Variants in OAT observed in about 807,000 individuals in gnomAD.
The protein encoded by OAT is ornithine aminotransferase.
A neutral mutation model predicts 48.4 loss-of-function variants in OAT; 35 were observed. That is an observed-to-expected ratio of 0.72 (90% confidence interval 0.55 to 0.96). The LOEUF is 0.96. Among genes scored for constraint, OAT ranks in the 40% least tolerant of loss-of-function variants. OAT has a pLI of 0.00. For missense variants in OAT, 438 were observed against 537.9 expected (o/e 0.81, Z 1.84); for synonymous variants, 182 against 198.4 (o/e 0.92, Z 0.70).
At position 124,401,758 on chromosome 10, in the gene OAT, G is replaced by A; in HGVS notation, c.982C>T (p.Leu328=). Residue 328 remains leucine, a synonymous_variant, in exon 8 of 10, where the codon CTA becomes TTA. Transcript: ENST00000368845. ...GCTGCGATGGCCACTCGGCAGCCTA[G>A]TGGATTGCCACCGTATGTGGACCCA... is the stretch of plus-strand genomic sequence containing the variant. ...EHGSTYGGNP[L]GCRVAIAALE... The A allele has an allele frequency of 2.5e-6, 4 of 1,613,162 alleles. No homozygotes were observed. Among genetic ancestry groups the A allele is most frequent in the South Asian group, 1.1e-5 (1 of 91,070 alleles).
At chr10:124,418,546 C>T (rs548513920) in intron 1 of OAT, among the ~76,000 whole-genome samples, 5 of 152,320 alleles carry the variant, frequency 3.3e-5, no homozygotes, top group Admixed American at 2.6e-4. Context: ...CTGCCACATC[C>T]TCAGCCTCTC....
At chr10:124,415,100 A>G (rs1202483618) in intron 1 of OAT, 1 of 150,182 alleles carries the variant, frequency 6.7e-6, no homozygotes, top group Non-Finnish European at 1.5e-5. Flanking sequence ...AAAAAAAAAA[A>G]AAAAAAAAAA....
intron 9 of OAT, among the ~76,000 whole-genome samples, chr10:124,399,000 A>G (rs548395573): frequency 6.6e-6 from 1 of 152,200 alleles, no homozygotes; most frequent in Admixed American, 6.5e-5. Context: ...CTGGCGACAG[A>G]CACTCCAGCC....
chr10:124,408,482 G>A lies in OAT; in HGVS notation c.520+60C>T, dbSNP rs969482382. ...ATTACAGGCATGAGCCACCATGCCTGGCCACAGTAAATTATATTGTATGTT... is the reference window on the plus strand; with the variant it reads ...ATTACAGGCATGAGCCACCATGCCTAGCCACAGTAAATTATATTGTATGTT... On this transcript the variant is annotated intron_variant, in intron 4 of 9. Transcript: ENST00000368845. 46 of 1,453,234 alleles carry A rather than the reference G, an allele frequency of 3.2e-5. No homozygotes were observed. The East Asian group carries it at 4.4e-4, about 14-fold the overall frequency. 90.0% of individuals were successfully genotyped at this position (1,453,234 alleles called of 1,614,324 possible).
Position 124,403,894 on chromosome 10 carries a change from A to T in OAT, c.675T>A (p.Ala225=), listed in dbSNP as rs1951496845. The stretch of plus-strand genomic sequence containing the variant: ...CCTGAATTGGTTCTACCATGAACGC[A>T]GCCACATTTGGATCCTGAAGAGCAC... The part of the protein sequence containing the change: ...LERALQDPNV[A]AFMVEPIQGE... Residue 225 remains alanine, a synonymous_variant, in exon 6 of 10, where the codon GCT becomes GCA. Coordinates refer to ENST00000368845, the MANE Select transcript of OAT (RefSeq NM_000274.4). The T allele has an allele frequency of 1.2e-6, 2 of 1,614,194 alleles. No homozygotes were observed. The highest frequency in any genetic ancestry group is 1.7e-6 in the Non-Finnish European group (2 of 1,180,004).
chr10:124,412,243 G>T, intron 1 of OAT, 43 bp from the exon 2 acceptor site: 1 of 1,438,358 alleles, frequency 7.0e-7, no homozygotes, highest in Non-Finnish European at 9.7e-7. Context: ...AGAATCCTTG[G>T]CTTATGCCTA....
intron 2 of OAT, among the ~76,000 whole-genome samples, chr10:124,411,591 G>A (rs746674022): frequency 6.6e-6 from 1 of 152,118 alleles, no homozygotes; most frequent in Non-Finnish European, 1.5e-5. Context: ...GCCAAGGTGG[G>A]AGGATCACAA....
intron 4 of OAT, chr10:124,405,831 A>C (rs1356834070): frequency 1.6e-6 from 2 of 1,248,642 alleles, no homozygotes; most frequent in Non-Finnish European, 2.0e-6. Context: ...ATAGCCCCTG[A>C]AGATAGATAA....
At chr10:124,407,726 T>A (rs990114808) in intron 4 of OAT, among the ~76,000 whole-genome samples, 12 of 152,178 alleles carry the variant, frequency 7.9e-5, no homozygotes, top group African/African-American at 7.2e-5. Flanking sequence ...ACTTGTTTTT[T>A]AAAAAAATAA....
At chr10:124,411,834 A>AT in intron 2 of OAT, 139 bp downstream of exon 2, 1 of 673,628 alleles carries the variant, frequency 1.5e-6, no homozygotes, top group Non-Finnish European at 2.5e-6. Flanking sequence ...AAAAAAAAAA[A>AT]GAAGAAGAAG....
intron 2 of OAT, 97 bp from the exon 3 acceptor site, chr10:124,409,062 T>G: frequency 1.3e-6 from 1 of 767,264 alleles, no homozygotes; most frequent in Non-Finnish European, 2.2e-6. Flanking sequence ...AATGCCTATA[T>G]ATGAACCTCT....
chr10:124,412,714 C>T (rs1248037114), intron 1 of OAT, among the ~76,000 whole-genome samples: 3 of 151,428 alleles, frequency 2.0e-5, no homozygotes, highest in Non-Finnish European at 4.4e-5. Flanking sequence ...GAGGCTGAGG[C>T]GGGAGGATCA....
chr10:124,401,784 T>C lies in OAT; in HGVS notation c.956A>G (p.His319Arg), dbSNP rs2033867562. 2 of 1,613,268 alleles carry C rather than the reference T, an allele frequency of 1.2e-6. No individual in the cohort carries two copies. Among genetic ancestry groups the C allele is most frequent in the Non-Finnish European group, 8.5e-7 (1 of 1,179,856 alleles). Reference sequence around the variant, plus strand: ...TGGATTGCCACCGTATGTGGACCCATGCTCCCCTGGCTTAATGGTCAGCAT... The same window carrying C: ...TGGATTGCCACCGTATGTGGACCCACGCTCCCCTGGCTTAATGGTCAGCAT... ...DIMLTIKPGE[H>R]GSTYGGNPLG... is the part of the protein sequence containing the mutation. The change falls in exon 8 of 10, where the codon CAT (histidine) becomes CGT (arginine). Residue 319 changes from histidine (H) to arginine (R), a missense_variant. By Grantham distance (29) the His-to-Arg change is conservative. Transcript: ENST00000368845.
rs959408478 is a variant in OAT at position 124,405,437 on chromosome 10, T to G, written c.647A>C (p.Glu216Ala). ...IIPYNDLPAL[E>A]RALQDPNVAA... ...AGCACTATGATGCTAGTGAAATACCTCCAGTGCGGGCAGATCATTATAGGG... is the reference window on the plus strand; with the variant it reads ...AGCACTATGATGCTAGTGAAATACCGCCAGTGCGGGCAGATCATTATAGGG... The change falls in exon 5 of 10, where the codon GAG becomes GCG. Residue 216 changes from glutamate (E) to alanine (A), a missense_variant and splice_region_variant. By Grantham distance (107) the Glu-to-Ala change is moderately radical. Transcript: ENST00000368845. 2 of 1,613,492 alleles carry G rather than the reference T, an allele frequency of 1.2e-6. No homozygotes were observed. The highest frequency in any genetic ancestry group is 1.7e-5 in the Admixed American group (1 of 59,996).
chr10:124,399,456 C>G (rs1951339056), intron 9 of OAT, among the ~76,000 whole-genome samples: 1 of 151,234 alleles, frequency 6.6e-6, no homozygotes, highest in Non-Finnish European at 1.5e-5. Flanking sequence ...AGCGATTCTC[C>G]TGCCTCAGCC....
intron 1 of OAT, among the ~76,000 whole-genome samples, chr10:124,418,429 C>T (rs1951987618): frequency 6.6e-6 from 1 of 152,222 alleles, no homozygotes; most frequent in African/African-American, 2.4e-5. Context: ...GCCTCCTACC[C>T]GGAACCCCGG....
chr10:124,403,251 T>C lies in OAT; in HGVS notation c.772-196A>G, dbSNP rs573434211. 3.6e-5 allele frequency: 23 copies of C among 642,800 alleles called. No homozygotes were observed. The African/African-American group carries it at 3.7e-4, about 10-fold the overall frequency. 39.8% of individuals were successfully genotyped at this position (642,800 alleles called of 1,614,324 possible). A position where few individuals can be genotyped will look rare whatever the true frequency, so the allele number is the denominator to read the frequency against. ...TCTTGTAGACTCACCAACTATTTCC[T>C]TTGTCAGGCCACTATCTCCCTAGAG... is the stretch of plus-strand genomic sequence containing the variant. On this transcript the variant is annotated intron_variant, in intron 6 of 9. Coordinates refer to ENST00000368845, the MANE Select transcript of OAT (RefSeq NM_000274.4).
intron 9 of OAT, among the ~76,000 whole-genome samples, chr10:124,399,343 T>C (rs1055211015): frequency 7.7e-6 from 1 of 129,682 alleles, no homozygotes; most frequent in Non-Finnish European, 1.6e-5. Flanking sequence ...TGATTCTTTT[T>C]TTTTTTTTTT....
chr10:124,399,645 C>T (rs1333796809), intron 9 of OAT, among the ~76,000 whole-genome samples: 2 of 151,932 alleles, frequency 1.3e-5, no homozygotes, highest in African/African-American at 2.4e-5. Flanking sequence ...GCGCCCGGCC[C>T]CTCAGGTGAT....
Sources: gnomAD v4.1 joint callset for allele counts (sites outside exome capture counted in the v4.1 genomes callset) on GRCh38, gnomAD v4.1.1 for gene constraint, MANE v1.5 for transcripts, NCBI Gene and HGNC (gene_info 2026-07-23, HGNC 2026-07-21) for gene names.